HDAC4: variants seen among roughly 807,000 people sequenced by gnomAD.
HDAC4 encodes the protein histone deacetylase 4.
HDAC4 carries 16 observed loss-of-function variants against 135.1 expected under a neutral mutation model. The ratio of observed to expected loss-of-function variants is 0.12; its 90% CI spans 0.08 to 0.18. The LOEUF (loss-of-function observed/expected upper bound fraction) is 0.18. HDAC4 is among the 10% of genes least tolerant of loss of function. HDAC4 has a pLI of 1.00. For missense variants in HDAC4, 1,143 were observed against 1,511.8 expected, an observed-to-expected ratio of 0.76 and a Z score of 4.05; for synonymous variants, 685 against 653.4, an observed-to-expected ratio of 1.05 and a Z score of -0.74.
chr2:239,053,432 G>A (rs750059033), intron 26 of HDAC4, 28 bp downstream of exon 26: 1 of 1,608,192 alleles, frequency 6.2e-7, no homozygotes, highest in East Asian at 2.2e-5. Flanking sequence ...GGGTGAGCCT[G>A]CAGGCGGGCG....
intron 6 of HDAC4, among the ~76,000 whole-genome samples, 156 bp from the exon 7 acceptor site, chr2:239,156,929 G>C (rs570929755): frequency 9.9e-5 from 15 of 152,166 alleles, no homozygotes; most frequent in Admixed American, 2.6e-4. Flanking sequence ...AAATTAAATG[G>C]AAACAAACAG....
intron 24 of HDAC4, chr2:239,055,147 T>C: frequency 2.8e-6 from 1 of 356,320 alleles, no homozygotes; most frequent in African/African-American, 2.1e-5. Context: ...CGCCACAGGG[T>C]TCCATGAGGG....
intron 2 of HDAC4, among the ~76,000 whole-genome samples, chr2:239,296,811 A>C (rs2051923778): frequency 6.6e-6 from 1 of 152,044 alleles, no homozygotes; most frequent in Non-Finnish European, 1.5e-5. Context: ...TTCGGGGCAG[A>C]TATATTTAGA....
chr2:239,260,835 C>G (rs1017533046), intron 2 of HDAC4, among the ~76,000 whole-genome samples: 12 of 152,210 alleles, frequency 7.9e-5, no homozygotes, highest in Non-Finnish European at 1.3e-4. Context: ...GTGCAAATGG[C>G]TCTGTCTTTG....
At chr2:239,344,023 GAGCA>G (rs1006195745) in intron 2 of HDAC4, among the ~76,000 whole-genome samples, 3 of 152,292 alleles carry the variant, frequency 2.0e-5, no homozygotes, top group African/African-American at 7.2e-5. Flanking sequence ...GGGGTTGACT[GAGCA>G]AGCAAGTCAT....
chr2:239,279,022 A>T (rs1333204015), intron 2 of HDAC4, among the ~76,000 whole-genome samples: 2 of 152,202 alleles, frequency 1.3e-5, no homozygotes, highest in African/African-American at 4.8e-5. Flanking sequence ...GAAAAACCAG[A>T]AAGAAAGAAA....
intron 1 of HDAC4, among the ~76,000 whole-genome samples, chr2:239,362,372 T>G (rs1693920537): frequency 6.6e-6 from 1 of 152,232 alleles, no homozygotes; most frequent in African/African-American, 2.4e-5. Context: ...CTTGGAAATT[T>G]TGAAATTTTG....
intron 7 of HDAC4, among the ~76,000 whole-genome samples, chr2:239,151,587 C>A (rs191092681): frequency 7.0e-4 from 106 of 152,056 alleles, no homozygotes; most frequent in African/African-American, 2.2e-3. Flanking sequence ...AGCCCAGGAC[C>A]TTTGACTGAC....
intron 19 of HDAC4, among the ~76,000 whole-genome samples, chr2:239,085,354 T>A (rs1414342260): frequency 6.6e-6 from 1 of 152,192 alleles, no homozygotes; most frequent in Non-Finnish European, 1.5e-5. Flanking sequence ...CAAATTCCCT[T>A]TGTCCGAATG....
intron 8 of HDAC4, chr2:239,140,794 A>G (rs1347642998): frequency 3.4e-5 from 11 of 327,958 alleles, no homozygotes; most frequent in Non-Finnish European, 7.2e-5. Context: ...AGCCATCCCC[A>G]GCAAAGCCTC....
At position 239,139,482 on chromosome 2, in the gene HDAC4, G is replaced by C. The variant is rs1051532564; in HGVS notation, c.978+202C>G. Among the ~76,000 whole-genome samples, 1 of 152,238 alleles carries C rather than the reference G, an allele frequency of 6.6e-6. No individual in the cohort carries two copies. The highest frequency in any genetic ancestry group is 1.5e-5 in the Non-Finnish European group (1 of 68,044). ...TGCCTGGAACTAGCGTGTTCATAAT[G>C]AAAGGAGATGTCTGTGATGAGAGGA... On this transcript the variant is annotated intron_variant, in intron 9 of 26. Transcript: ENST00000543185. The surrounding 1 kb of genome is among the most constrained non-coding windows in gnomAD (Gnocchi z 5.3).
intron 2 of HDAC4, among the ~76,000 whole-genome samples, chr2:239,345,724 TAA>T (rs1443836972): frequency 1.4e-5 from 2 of 141,800 alleles, no homozygotes; most frequent in African/African-American, 5.4e-5. Context: ...ACACACACCC[TAA>T]CACACATACA....
At chr2:239,057,227 A>T (rs2031989653) in intron 24 of HDAC4, among the ~76,000 whole-genome samples, 1 of 152,226 alleles carries the variant, frequency 6.6e-6, no homozygotes, top group African/African-American at 2.4e-5. Context: ...ATCTCAGACT[A>T]TCCAAAAATA....
chr2:239,091,516 G>A (rs2036501997), intron 17 of HDAC4: 2 of 152,178 alleles, frequency 1.3e-5, no homozygotes, highest in Admixed American at 1.3e-4. Context: ...CGAGTGCTTT[G>A]GGGCTCCTAA....
chr2:239,157,573 G>A (rs1559528223), intron 6 of HDAC4, among the ~76,000 whole-genome samples: 2 of 152,300 alleles, frequency 1.3e-5, no homozygotes, highest in Admixed American at 1.3e-4. Context: ...CCATCAGCAA[G>A]GCCTTTTTTG....
At chr2:239,061,783 G>C (rs572167946) in intron 24 of HDAC4, among the ~76,000 whole-genome samples, 1 of 152,322 alleles carries the variant, frequency 6.6e-6, no homozygotes, top group East Asian at 1.9e-4. Context: ...AAACTCCCGG[G>C]GGAAAACCTT....
At chr2:239,325,547 T>C (rs539282948) in intron 2 of HDAC4, among the ~76,000 whole-genome samples, 1 of 152,356 alleles carries the variant, frequency 6.6e-6, no homozygotes, top group Non-Finnish European at 1.5e-5. Context: ...AGGATGACTA[T>C]TATTTCAAAA....
At chr2:239,180,889 T>G (rs2044108402) in intron 4 of HDAC4, among the ~76,000 whole-genome samples, 1 of 152,208 alleles carries the variant, frequency 6.6e-6, no homozygotes, top group Admixed American at 6.5e-5. Context: ...CGCTGGTCTT[T>G]CCCGGCCCAC....
At position 239,100,669 on chromosome 2, in the gene HDAC4, G is replaced by A. The variant is rs1007293069; in HGVS notation, c.2233+2107C>T. Reference sequence around the variant, plus strand: ...GCCCACAGGGGGTGATTAGCCGTGAGTGCCAGCATAAGGGATCTCAGGGGC... The same window carrying A: ...GCCCACAGGGGGTGATTAGCCGTGAATGCCAGCATAAGGGATCTCAGGGGC... On this transcript the variant is annotated intron_variant, in intron 16 of 26. Transcript: ENST00000543185. Among the ~76,000 whole-genome samples, 9 of 152,310 alleles carry A rather than the reference G, an allele frequency of 5.9e-5. No individual in the cohort carries two copies. In the South Asian group the frequency reaches 1.9e-3, roughly 32 times the overall value.
Sources: gnomAD v4.1 joint callset for allele counts (sites outside exome capture counted in the v4.1 genomes callset) on GRCh38, gnomAD v4.1.1 for gene constraint, Gnocchi (gnomAD v3.1) non-coding constraint, MANE v1.5 for transcripts, NCBI Gene and HGNC (gene_info 2026-07-23, HGNC 2026-07-21) for gene names.